Variants in HOOK3 observed in about 807,000 individuals in gnomAD.
The protein encoded by HOOK3 is hook microtubule tethering protein 3.
Under a neutral mutation model 116.3 loss-of-function variants are expected in HOOK3, and 24 were observed. The ratio of observed to expected loss-of-function variants is 0.21; its 90% CI spans 0.15 to 0.29. The LOEUF is 0.29. Among genes scored for constraint, HOOK3 ranks in the 10% least tolerant of loss-of-function variants. HOOK3 has a pLI of 1.00. For synonymous variants in HOOK3, 275 were observed against 283.0 expected, an observed-to-expected ratio of 0.97 and a Z score of 0.28; for missense variants, 632 against 830.2, an observed-to-expected ratio of 0.76 and a Z score of 2.93.
rs1379340137 is a variant in HOOK3 at position 42,943,295 on chromosome 8, C to A, written c.268-18C>A. The A allele has an allele frequency of 2.2e-6, 3 of 1,387,236 alleles. No individual in the cohort carries two copies. Among genetic ancestry groups the A allele is most frequent in the Non-Finnish European group, 2.9e-6 (3 of 1,046,398 alleles). 85.9% of individuals were successfully genotyped at this position (1,387,236 alleles called of 1,614,324 possible). ...ATATAAATGTAAATGCAATTATAAT[C>A]CTTTTATCTCCATTCAGATTTTAGG... is the stretch of plus-strand genomic sequence containing the variant. On this transcript the variant is annotated intron_variant, in intron 4 of 21. Coordinates refer to ENST00000307602, the MANE Select transcript of HOOK3 (RefSeq NM_032410.4).
chr8:42,975,080 A>G (rs1808795798), intron 13 of HOOK3, among the ~76,000 whole-genome samples: 1 of 151,972 alleles, frequency 6.6e-6, no homozygotes, highest in Non-Finnish European at 1.5e-5. Context: ...GGCTGGGGAG[A>G]GGCGGCTACG....
At chr8:42,920,452 A>C (rs559202742) in intron 2 of HOOK3, among the ~76,000 whole-genome samples, 13 of 152,334 alleles carry the variant, frequency 8.5e-5, no homozygotes, top group African/African-American at 2.9e-4. Flanking sequence ...ATTTTGCCTA[A>C]GTAGTAGATT....
intron 2 of HOOK3, among the ~76,000 whole-genome samples, chr8:42,907,089 G>A (rs1470469469): frequency 6.6e-6 from 1 of 152,178 alleles, no homozygotes; most frequent in African/African-American, 2.4e-5. Context: ...AAAGGATTAT[G>A]TGTGAATTTA....
intron 4 of HOOK3, among the ~76,000 whole-genome samples, chr8:42,939,235 C>T (rs1330630131): frequency 6.6e-6 from 1 of 152,250 alleles, no homozygotes. Context: ...CTATTGGGTA[C>T]ACCTCCCAGA....
At chr8:42,902,189 C>G (rs1807203169) in intron 1 of HOOK3, among the ~76,000 whole-genome samples, 1 of 151,978 alleles carries the variant, frequency 6.6e-6, no homozygotes, top group Non-Finnish European at 1.5e-5. Context: ...ATTTGATGAA[C>G]TTGTTAAAAA....
At chr8:42,983,780 T>G (rs1808997018) in intron 14 of HOOK3, among the ~76,000 whole-genome samples, 1 of 152,184 alleles carries the variant, frequency 6.6e-6, no homozygotes, top group Admixed American at 6.5e-5. Flanking sequence ...CCAGCCAGTT[T>G]CATTTATTTT....
chr8:42,937,352 A>ATTTTTTTT (rs35303192), intron 4 of HOOK3, among the ~76,000 whole-genome samples: 1 of 113,926 alleles, frequency 8.8e-6, no homozygotes, highest in South Asian at 2.6e-4. Context: ...GGATTCATTG[A>ATTTTTTTT]TTTTTTTTTT....
intron 19 of HOOK3, among the ~76,000 whole-genome samples, chr8:43,011,449 ATGTGTGTGTG>A (rs147559520): frequency 6.7e-6 from 1 of 150,350 alleles, no homozygotes; most frequent in South Asian, 2.1e-4. Context: ...AAGTAACAGC[ATGTGTGTGTG>A]TGTGTGTGTG....
rs1252173723 is a variant in HOOK3, at chr8:43,019,359, G to C, written c.*861G>C. Reference sequence around the variant, plus strand: ...TCAGTTGCTTTCCACATCTAAAAGAGTTATCTTTCATATATGTACAAGTTA... The same window carrying C: ...TCAGTTGCTTTCCACATCTAAAAGACTTATCTTTCATATATGTACAAGTTA... On this transcript the variant is annotated 3_prime_UTR_variant, in exon 22 of 22. Coordinates refer to ENST00000307602, the MANE Select transcript of HOOK3 (RefSeq NM_032410.4). 1 of 214,324 alleles carries C rather than the reference G, an allele frequency of 4.7e-6. No homozygotes were observed. The highest frequency in any genetic ancestry group is 2.3e-5 in the African/African-American group (1 of 44,322). 13.3% of individuals were successfully genotyped at this position (214,324 alleles called of 1,614,324 possible). A position where few individuals can be genotyped will look rare whatever the true frequency, so the allele number is the denominator to read the frequency against.
intron 1 of HOOK3, among the ~76,000 whole-genome samples, chr8:42,901,490 C>T (rs1260861428): frequency 1.3e-5 from 2 of 152,108 alleles, no homozygotes; most frequent in African/African-American, 4.8e-5. Context: ...GTCATCATGA[C>T]TATCTAGTTC....
Position 42,966,583 on chromosome 8 carries a change from A to G in HOOK3, c.890A>G (p.Gln297Arg), listed in dbSNP as rs1212944371. Residue 297 changes from glutamine (Q) to arginine (R), a missense_variant, in exon 10 of 22, where the codon CAG becomes CGG. Physicochemically the swap from Gln to Arg is conservative, Grantham distance 43. Transcript: ENST00000307602. ...DELTTLADEA[Q>R]SLKDEIDVLR... ...CTGACCACTTTGGCAGATGAAGCTC[A>G]GTCTCTGAAAGATGAGATCGACGTG... 1.9e-6 allele frequency: 3 copies of G among 1,614,076 alleles called. No homozygotes were observed. The highest frequency in any genetic ancestry group is 2.5e-6 in the Non-Finnish European group (3 of 1,180,016).
intron 8 of HOOK3, among the ~76,000 whole-genome samples, chr8:42,961,533 A>G (rs1808534212): frequency 6.6e-6 from 1 of 152,178 alleles, no homozygotes; most frequent in South Asian, 2.1e-4. Flanking sequence ...GTGATTAACT[A>G]TATTTATGGT....
At position 43,021,130 on chromosome 8, in the gene HOOK3, A is replaced by AAG. The variant is rs1809819434; in HGVS notation, c.*2633_*2634insGA. On this transcript the variant is annotated 3_prime_UTR_variant, in exon 22 of 22. Coordinates refer to ENST00000307602, the MANE Select transcript of HOOK3 (RefSeq NM_032410.4). The stretch of plus-strand genomic sequence containing the variant: ...AAAAAAAAAAAAAAAAAAAAAAAAA[A>AAG]AAACAGTCTGTGAACTACTCACTGA... 1 of 191,788 alleles carries AAG rather than the reference A, an allele frequency of 5.2e-6. No individual in the cohort carries two copies. Among genetic ancestry groups the AAG allele is most frequent in the African/African-American group, 2.5e-5 (1 of 39,386 alleles). 11.9% of individuals were successfully genotyped at this position (191,788 alleles called of 1,614,324 possible).
rs1809909389 is a variant in HOOK3, at chr8:43,025,096, G to T, written c.*6598G>T. On this transcript the variant is annotated 3_prime_UTR_variant, in exon 22 of 22. Coordinates refer to ENST00000307602, the MANE Select transcript of HOOK3 (RefSeq NM_032410.4). ...ACATTGACTGAAATGATAGAGAAAG[G>T]GACATTTGTTTGAGAAACAAGAGAC... The T allele has an allele frequency of 4.7e-6, 1 of 212,714 alleles. No individual in the cohort carries two copies. 13.2% of individuals were successfully genotyped at this position (212,714 alleles called of 1,614,324 possible). A position where few individuals can be genotyped will look rare whatever the true frequency, so the allele number is the denominator to read the frequency against.
chr8:42,997,558 A>G lies in HOOK3; in HGVS notation c.1541A>G (p.Asn514Ser). 6.2e-7 allele frequency: 1 copy of G among 1,602,364 alleles called. No individual in the cohort carries two copies. Among genetic ancestry groups the G allele is most frequent in the Non-Finnish European group, 8.5e-7 (1 of 1,172,440 alleles). The change falls in exon 16 of 22, where the codon AAT becomes AGT. Residue 514 changes from asparagine to serine, a missense_variant. Physicochemically the swap from Asn to Ser is conservative, Grantham distance 46. Coordinates refer to ENST00000307602, the MANE Select transcript of HOOK3 (RefSeq NM_032410.4). ...GTACATTTCATTTCTAGGCTGGTGA[A>G]TCAAAGACTTCTGGAAGTACAGTCA... ...NELETENRLV[N>S]QRLLEVQSQV...
At chr8:42,938,697 CTTTT>C (rs1233988361) in intron 4 of HOOK3, among the ~76,000 whole-genome samples, 1 of 142,504 alleles carries the variant, frequency 7.0e-6, no homozygotes, top group Non-Finnish European at 1.5e-5. Context: ...AAATGCTTTT[CTTTT>C]ATTTATTTAT....
intron 1 of HOOK3, among the ~76,000 whole-genome samples, chr8:42,905,071 T>C (rs1807277103): frequency 6.6e-6 from 1 of 152,172 alleles, no homozygotes; most frequent in South Asian, 2.1e-4. Context: ...TACATCATGT[T>C]GATTAGTACA....
intron 10 of HOOK3, among the ~76,000 whole-genome samples, chr8:42,967,158 A>G (rs895576794): frequency 1.3e-5 from 2 of 152,066 alleles, no homozygotes; most frequent in Non-Finnish European, 2.9e-5. Context: ...GCTCCTGCCA[A>G]TTGGTGGCTT....
chr8:42,915,683 C>A (rs572938193), intron 2 of HOOK3, among the ~76,000 whole-genome samples: 1 of 152,104 alleles, frequency 6.6e-6, no homozygotes, highest in Non-Finnish European at 1.5e-5. Context: ...CCGCCTGTCT[C>A]GGCTTCTCAA....
Sources: allele counts gnomAD v4.1 joint callset (sites outside exome capture counted in the v4.1 genomes callset), GRCh38; gene constraint gnomAD v4.1.1; transcripts MANE v1.5; gene names NCBI Gene and HGNC (gene_info 2026-07-23, HGNC 2026-07-21).